The following KIF13B variants were observed in gnomAD, a reference collection of about 807,000 sequenced individuals.
The protein encoded by KIF13B is kinesin family member 13B, also known as kinesin-like protein KIF13B.
In KIF13B, 127 loss-of-function variants were observed where a neutral mutation model predicts 222.0. The ratio of observed to expected loss-of-function variants is 0.57; its 90% confidence interval spans 0.50 to 0.66. The LOEUF is 0.66. Among genes scored for constraint, KIF13B ranks in the 30% least tolerant of loss-of-function variants. KIF13B has a pLI of 0.00. For synonymous variants in KIF13B, 976 were observed against 919.0 expected, an observed-to-expected ratio of 1.06 and a Z score of -1.12; for missense variants, 2,173 against 2,379.0, an observed-to-expected ratio of 0.91 and a Z score of 1.80.
In KIF13B at chr8:29,180,103, C is replaced by T; in HGVS notation, c.720+1G>A. ...AACAGGTCATGCATCTGAACACCTA[C>T]CCCAGACTTCACATCGTAGAGAGTA... On this transcript the variant is annotated splice_donor_variant, in intron 8 of 39. Transcript: ENST00000524189. LOFTEE classifies it high-confidence loss of function. 6.2e-7 allele frequency: 1 copy of T among 1,613,904 alleles called. No individual in the cohort carries two copies. Among genetic ancestry groups the T allele is most frequent in the Non-Finnish European group, 8.5e-7 (1 of 1,179,832 alleles).
rs1811099681 is a variant in KIF13B, at chr8:29,147,324, T to C, written c.2024+68A>G. The C allele has an allele frequency of 5.2e-6, 6 of 1,144,878 alleles. No homozygotes were observed. In the East Asian group the frequency reaches 1.5e-4, roughly 29 times the overall value. 70.9% of individuals were successfully genotyped at this position (1,144,878 alleles called of 1,614,324 possible). A position where few individuals can be genotyped will look rare whatever the true frequency, so the allele number is the denominator to read the frequency against. On this transcript the variant is annotated intron_variant, in intron 17 of 39. Coordinates refer to ENST00000524189, the MANE Select transcript of KIF13B (RefSeq NM_015254.4). ...CCATCTTAATGTTCCCATTTGACAC[T>C]TTCCCTAGGTGTGTTAGAGGTGGCA...
At position 29,173,942 on chromosome 8, in the gene KIF13B, C is replaced by CAA. The variant is rs72309757; in HGVS notation, c.945+2124_945+2125dup. 5.9e-3 allele frequency among the ~76,000 whole-genome samples: 751 copies of CAA among 126,446 alleles called. 5 individuals are homozygous for CAA. The highest frequency in any genetic ancestry group is 0.014 in the South Asian group (53 of 3,872). 83.0% of individuals were successfully genotyped at this position (126,446 alleles called of 152,430 possible). On this transcript the variant is annotated intron_variant, in intron 10 of 39. Transcript: ENST00000524189. ...TGGGCAACAGAGCGAGGCTCCGTCT[C>CAA]AAAAAAAAAAAAAAAACTCATTTGG...
At chr8:29,084,158 C>T (rs1170710565) in intron 37 of KIF13B, among the ~76,000 whole-genome samples, 3 of 152,140 alleles carry the variant, frequency 2.0e-5, no homozygotes, top group East Asian at 3.8e-4. Flanking sequence ...CGTCATGATC[C>T]GCCCACCTCG....
At chr8:29,167,343 TCA>T (rs752360403) in intron 11 of KIF13B, 28 bp downstream of exon 11, 2 of 1,557,906 alleles carry the variant, frequency 1.3e-6, no homozygotes, top group South Asian at 2.2e-5. Flanking sequence ...CTTCCTGGAC[TCA>T]CAGGGCGCAC....
chr8:29,224,412 A>T (rs1814921059), intron 2 of KIF13B, among the ~76,000 whole-genome samples: 1 of 152,198 alleles, frequency 6.6e-6, no homozygotes, highest in Non-Finnish European at 1.5e-5. Context: ...ATTTATTATT[A>T]ACTAACAAGG....
intron 24 of KIF13B, among the ~76,000 whole-genome samples, chr8:29,128,165 A>G (rs968396034): frequency 2.7e-4 from 40 of 150,452 alleles, no homozygotes; most frequent in African/African-American, 8.2e-4. Context: ...ATTATAAAAA[A>G]TAATCAGTAA....
At chr8:29,098,753 TGAG>T (rs1211314579) in intron 36 of KIF13B, among the ~76,000 whole-genome samples, 1 of 142,562 alleles carries the variant, frequency 7.0e-6, no homozygotes, top group Non-Finnish European at 1.5e-5. Context: ...AAAAAAAAAA[TGAG>T]GAGAAACATT....
At chr8:29,113,655 A>G in intron 31 of KIF13B, 100 bp from the exon 32 acceptor site, 1 of 729,172 alleles carries the variant, frequency 1.4e-6, no homozygotes, top group Non-Finnish European at 2.3e-6. Context: ...TCTAACCAAA[A>G]GAAAACAGAG....
chr8:29,215,774 C>G (rs6993134), intron 2 of KIF13B, among the ~76,000 whole-genome samples: 1 of 152,002 alleles, frequency 6.6e-6, no homozygotes, highest in Non-Finnish European at 1.5e-5. Flanking sequence ...TCTTTGAATG[C>G]TTGAAGGACA....
chr8:29,092,765 G>C lies in KIF13B; in HGVS notation c.4438C>G (p.Pro1480Ala). The C allele has an allele frequency of 6.2e-7, 1 of 1,612,700 alleles. No individual in the cohort carries two copies. The highest frequency in any genetic ancestry group is 8.5e-7 in the Non-Finnish European group (1 of 1,179,496). ...PVRDEKRGKR[P>A]SPLAHQPVPR... Reference sequence around the variant, plus strand: ...TTTACCTGGTGTGCGAGGGGAGACGGCCGCTTGCCCCTCTTCTCATCGCGG... The same window carrying C: ...TTTACCTGGTGTGCGAGGGGAGACGCCCGCTTGCCCCTCTTCTCATCGCGG... The change falls in exon 37 of 40, where the codon CCG becomes GCG. Residue 1480 changes from proline to alanine, a missense_variant. Pro to Ala is a conservative substitution (Grantham distance 27). Around this residue, in one of 2 missense-constraint regions of KIF13B, gnomAD observed 693 missense variants for 656.2 expected, o/e 1.06. Transcript: ENST00000524189.
At chr8:29,123,261 A>C in intron 28 of KIF13B, 105 bp downstream of exon 28, 1 of 1,248,196 alleles carries the variant, frequency 8.0e-7, no homozygotes, top group Admixed American at 2.4e-5. Context: ...ATTTCCCCCC[A>C]TGCTATTGAC....
At chr8:29,185,374 G>A (rs967141518) in intron 6 of KIF13B, among the ~76,000 whole-genome samples, 8 of 152,280 alleles carry the variant, frequency 5.3e-5, no homozygotes, top group Admixed American at 2.0e-4. Flanking sequence ...AGCAGATAGC[G>A]TTGTATTTTA....
In KIF13B at chr8:29,110,070, C is replaced by G. The variant is rs1308663256; in HGVS notation, c.3931G>C (p.Asp1311His). ...TFEIVSNIPE[D>H]AQGVEEREAL... ...TCCCGTTCTTCCACTCCCTGGGCAT[C>G]CTGAGCAGTGGAAAGTTATACATTA... The change falls in exon 33 of 40, where the codon GAT (aspartate) becomes CAT (histidine). Residue 1311 changes from aspartate (D) to histidine (H), a missense_variant and splice_region_variant. Physicochemically the swap from Asp to His is moderately conservative, Grantham distance 81. This residue lies in a region of KIF13B where 1,480 missense variants were observed against 1,722.8 expected (regional missense o/e 0.86). Coordinates refer to ENST00000524189, the MANE Select transcript of KIF13B (RefSeq NM_015254.4). The G allele has an allele frequency of 2.6e-6, 4 of 1,555,488 alleles. No homozygotes were observed. The highest frequency in any genetic ancestry group is 3.9e-5 in the Admixed American group (2 of 51,296).
chr8:29,213,542 C>T (rs927145661), intron 2 of KIF13B, among the ~76,000 whole-genome samples: 5 of 152,182 alleles, frequency 3.3e-5, no homozygotes, highest in Admixed American at 1.3e-4. Context: ...ACAGATGGTG[C>T]GGCCTACTAT....
At chr8:29,124,183 G>A in intron 26 of KIF13B, 60 bp from the exon 27 acceptor site, 1 of 1,005,884 alleles carries the variant, frequency 9.9e-7, no homozygotes. Context: ...ATCTGAAACT[G>A]ATGCTCTATC....
chr8:29,245,082 C>G (rs958250579), intron 2 of KIF13B, among the ~76,000 whole-genome samples: 2 of 152,198 alleles, frequency 1.3e-5, no homozygotes, highest in Non-Finnish European at 2.9e-5. Context: ...CTTCAAGAAG[C>G]CTTCTTCAAT....
intron 36 of KIF13B, among the ~76,000 whole-genome samples, chr8:29,098,878 C>G (rs1200769550): frequency 6.6e-6 from 1 of 152,038 alleles, no homozygotes; most frequent in Non-Finnish European, 1.5e-5. Context: ...CACAAAAGTC[C>G]TTAAAAAAGA....
chr8:29,146,347 C>CT (rs1376543283), intron 18 of KIF13B, 31 bp downstream of exon 18: 5 of 1,611,358 alleles, frequency 3.1e-6, no homozygotes, highest in Non-Finnish European at 4.2e-6. Flanking sequence ...CCAATGAGAT[C>CT]TTTGTTTTTT....
At chr8:29,171,644 G>GA (rs1419060353) in intron 10 of KIF13B, among the ~76,000 whole-genome samples, 1 of 143,612 alleles carries the variant, frequency 7.0e-6, no homozygotes, top group African/African-American at 2.6e-5. Flanking sequence ...AGAGCTCTGG[G>GA]AAAACTGCTT....
Sources: allele counts gnomAD v4.1 joint callset (sites outside exome capture counted in the v4.1 genomes callset), GRCh38; gene constraint gnomAD v4.1.1; regional missense constraint gnomAD v4.1.1; transcripts MANE v1.5; gene names NCBI Gene and HGNC (gene_info 2026-07-23, HGNC 2026-07-21).